ZNF362: variants seen among roughly 807,000 people sequenced by gnomAD.
ZNF362 encodes rotund homolog.
ZNF362 carries 11 observed loss-of-function variants against 42.9 expected under a neutral mutation model. The ratio of observed to expected loss-of-function variants is 0.26; its 90% CI spans 0.16 to 0.42. The LOEUF (loss-of-function observed/expected upper bound fraction) is 0.42, where lower values mean the gene tolerates loss of function less well. ZNF362 is among the 20% of genes least tolerant of loss of function. ZNF362 has a pLI of 1.00. For missense variants in ZNF362, 362 were observed against 576.2 expected, an observed-to-expected ratio of 0.63 and a Z score of 3.81; for synonymous variants, 255 against 257.3, an observed-to-expected ratio of 0.99 and a Z score of 0.09.
the ZNF362 span, among the ~76,000 whole-genome samples, chr1:33,193,969 G>A: frequency 6.6e-6 from 1 of 152,022 alleles, no homozygotes; most frequent in East Asian, 1.9e-4. Flanking sequence ...CCAAAAATTA[G>A]GATTATAGAA....
At chr1:33,215,480 A>G in the ZNF362 span, among the ~76,000 whole-genome samples, 1 of 152,182 alleles carries the variant, frequency 6.6e-6, no homozygotes, top group Non-Finnish European at 1.5e-5. Context: ...ACAGTAATTT[A>G]TTGTATATTT....
chr1:33,236,566 T>A, the ZNF362 span, among the ~76,000 whole-genome samples: 28 of 88,252 alleles, frequency 3.2e-4, no homozygotes, highest in Non-Finnish European at 5.9e-4. Flanking sequence ...TATATATATA[T>A]ATATATACAT....
At chr1:33,264,927 G>T (rs1221625791) in intron 1 of ZNF362, among the ~76,000 whole-genome samples, 1 of 151,974 alleles carries the variant, frequency 6.6e-6, no homozygotes, top group Non-Finnish European at 1.5e-5. Flanking sequence ...TGATTAAGCT[G>T]TCCGTTCATG....
the ZNF362 span, chr1:33,143,266 CTG>C: frequency 1.2e-4 from 19 of 152,274 alleles, no homozygotes; most frequent in African/African-American, 4.3e-4. Flanking sequence ...CACGTGGAAA[CTG>C]TGAGTAAAGC....
At chr1:33,262,596 C>T (rs1013684266) in intron 1 of ZNF362, among the ~76,000 whole-genome samples, 10 of 152,144 alleles carry the variant, frequency 6.6e-5, no homozygotes, top group African/African-American at 1.2e-4. Context: ...CGTGAGCCAC[C>T]GCACCTGGCC....
intron 8 of ZNF362, among the ~76,000 whole-genome samples, chr1:33,297,513 C>T (rs55986833): frequency 0.33 from 40,181 of 121,844 alleles, 7,168 homozygotes; most frequent in Admixed American, 0.46. Context: ...CATGATTCCT[C>T]TTTTTTTTTT....
chr1:33,158,285 A>T, the ZNF362 span: 1 of 1,614,048 alleles, frequency 6.2e-7, no homozygotes, highest in Non-Finnish European at 8.5e-7. Flanking sequence ...GGACTTCCAG[A>T]TGGTGTACTG....
chr1:33,211,629 G>T, the ZNF362 span, among the ~76,000 whole-genome samples: 1 of 152,164 alleles, frequency 6.6e-6, no homozygotes, highest in South Asian at 2.1e-4. Flanking sequence ...GCTTCCCTTT[G>T]TGGGTAACCC....
the ZNF362 span, among the ~76,000 whole-genome samples, chr1:33,136,321 T>G: frequency 1.3e-5 from 2 of 148,590 alleles, no homozygotes; most frequent in African/African-American, 4.9e-5. Context: ...TCTTTCTTTT[T>G]CTTTCTTTCC....
chr1:33,223,074 A>C, the ZNF362 span, among the ~76,000 whole-genome samples: 1 of 152,044 alleles, frequency 6.6e-6, no homozygotes, highest in Non-Finnish European at 1.5e-5. Context: ...AACATGGTGA[A>C]ACCCCGTCTC....
chr1:33,217,717 T>C, the ZNF362 span, among the ~76,000 whole-genome samples: 1 of 152,170 alleles, frequency 6.6e-6, no homozygotes, highest in Non-Finnish European at 1.5e-5. Context: ...AGTGAAATCT[T>C]ATTATACAAA....
At chr1:33,258,192 G>A (rs929758261) in intron 1 of ZNF362, among the ~76,000 whole-genome samples, 1 of 152,192 alleles carries the variant, frequency 6.6e-6, no homozygotes, top group Non-Finnish European at 1.5e-5. Flanking sequence ...CTTCGGTTAA[G>A]TTCCTGAAGT....
chr1:33,223,203 A>G, the ZNF362 span, among the ~76,000 whole-genome samples: 1 of 152,126 alleles, frequency 6.6e-6, no homozygotes, highest in Non-Finnish European at 1.5e-5. Context: ...GTGAGCCGAG[A>G]TTGAGCCACT....
chr1:33,282,732 GA>G (rs1384858644), intron 6 of ZNF362, among the ~76,000 whole-genome samples: 1 of 151,704 alleles, frequency 6.6e-6, no homozygotes, highest in Non-Finnish European at 1.5e-5. Context: ...TTAGGCAGGA[GA>G]CTCGCTTGAA....
At chr1:33,272,060 T>C (rs1645908443) in intron 2 of ZNF362, among the ~76,000 whole-genome samples, 1 of 152,120 alleles carries the variant, frequency 6.6e-6, no homozygotes, top group Non-Finnish European at 1.5e-5. Context: ...GCTCCCGCTC[T>C]GTCCTGAGGA....
At chr1:33,157,365 C>T in the ZNF362 span, among the ~76,000 whole-genome samples, 3 of 152,126 alleles carry the variant, frequency 2.0e-5, no homozygotes, top group Non-Finnish European at 2.9e-5. Context: ...GAGCACTCTT[C>T]CTCCAGATAC....
At chr1:33,174,885 A>C in the ZNF362 span, among the ~76,000 whole-genome samples, 2 of 149,736 alleles carry the variant, frequency 1.3e-5, no homozygotes, top group Admixed American at 6.6e-5. Flanking sequence ...ATACTGGCTA[A>C]AGAAATTATG....
At chr1:33,288,378 G>C (rs372917016) in intron 6 of ZNF362, among the ~76,000 whole-genome samples, 4 of 152,272 alleles carry the variant, frequency 2.6e-5, no homozygotes, top group East Asian at 1.9e-4. Context: ...TGGGACAGTG[G>C]GGGGTGAAGT....
chr1:33,128,720 G>A, the ZNF362 span, among the ~76,000 whole-genome samples: 1 of 152,178 alleles, frequency 6.6e-6, no homozygotes, highest in African/African-American at 2.4e-5. Flanking sequence ...AGTTGGTGAG[G>A]TCCTATAACT....
Sources: allele counts gnomAD v4.1 joint callset (sites outside exome capture counted in the v4.1 genomes callset), GRCh38; gene constraint gnomAD v4.1.1; transcripts MANE v1.5; gene names NCBI Gene and HGNC (gene_info 2026-07-23, HGNC 2026-07-21).